MAGI2: variants seen among roughly 807,000 people sequenced by gnomAD.
MAGI2 encodes the protein membrane-associated guanylate kinase, WW and PDZ domain-containing protein 2.
In MAGI2, 35 loss-of-function variants were observed where a neutral mutation model predicts 133.3. The ratio of observed to expected loss-of-function variants is 0.26; its 90% CI spans 0.20 to 0.35. The LOEUF is 0.35. MAGI2 is among the 10% of genes least tolerant of loss of function. The pLI is 1.00. For missense variants in MAGI2, 1,636 were observed against 1,863.4 expected (o/e 0.88, Z 2.25); for synonymous variants, 729 against 710.6 (o/e 1.03, Z -0.41).
At chr7:78,863,470 C>A (rs1438480795) in intron 2 of MAGI2, among the ~76,000 whole-genome samples, 2 of 152,162 alleles carry the variant, frequency 1.3e-5, no homozygotes, top group South Asian at 2.1e-4. Context: ...TTTTCAACAA[C>A]CAGCTCTCAA....
chr7:78,677,624 G>C (rs1388031460), intron 2 of MAGI2, among the ~76,000 whole-genome samples: 1 of 151,920 alleles, frequency 6.6e-6, no homozygotes, highest in African/African-American at 2.4e-5. Flanking sequence ...ACTGGCATTT[G>C]CAACCTCACA....
At chr7:78,195,139 C>T (rs1205263456) in intron 11 of MAGI2, 76 bp from the exon 12 acceptor site, 3 of 1,245,036 alleles carry the variant, frequency 2.4e-6, no homozygotes, top group Non-Finnish European at 3.3e-6. Flanking sequence ...TTTAGGTTAA[C>T]CTTTTTTGCC....
chr7:78,598,653 G>A (rs563107044), intron 3 of MAGI2, among the ~76,000 whole-genome samples: 5 of 152,274 alleles, frequency 3.3e-5, no homozygotes, highest in African/African-American at 4.8e-5. Flanking sequence ...AAGGAAACCC[G>A]TTGGGAGGGG....
intron 6 of MAGI2, among the ~76,000 whole-genome samples, chr7:78,398,903 G>A (rs543754331): frequency 3.0e-4 from 45 of 152,104 alleles, no homozygotes; most frequent in African/African-American, 9.9e-4. Context: ...TTCCTTGCCC[G>A]TTTAATTGTA....
chr7:78,206,242 T>C (rs894995363), intron 10 of MAGI2, among the ~76,000 whole-genome samples: 1 of 152,002 alleles, frequency 6.6e-6, no homozygotes, highest in Non-Finnish European at 1.5e-5. Flanking sequence ...TCTATCATGA[T>C]ATCGTCAATT....
intron 2 of MAGI2, among the ~76,000 whole-genome samples, chr7:78,792,785 A>G (rs1461128250): frequency 6.6e-6 from 1 of 152,260 alleles, no homozygotes; most frequent in Non-Finnish European, 1.5e-5. Context: ...CATCAACCCA[A>G]TACAACCACC....
At chr7:79,111,340 AT>A (rs1818908612) in intron 1 of MAGI2, among the ~76,000 whole-genome samples, 1 of 152,178 alleles carries the variant, frequency 6.6e-6, no homozygotes, top group East Asian at 1.9e-4. Context: ...AAGCCTGATG[AT>A]TTTGAACCTT....
At chr7:78,056,889 AC>A (rs1413549495) in intron 21 of MAGI2, among the ~76,000 whole-genome samples, 11 of 151,988 alleles carry the variant, frequency 7.2e-5, no homozygotes, top group Non-Finnish European at 1.6e-4. Context: ...CATCCCTCCC[AC>A]ATTTTCTTTA....
chr7:79,256,647 C>T (rs554093185), intron 1 of MAGI2, among the ~76,000 whole-genome samples: 2 of 151,996 alleles, frequency 1.3e-5, no homozygotes, highest in Middle Eastern at 3.4e-3. Context: ...TGCACCACCA[C>T]GTCCAGTAAT....
At chr7:78,544,087 C>T (rs754229963) in intron 3 of MAGI2, among the ~76,000 whole-genome samples, 5 of 152,214 alleles carry the variant, frequency 3.3e-5, no homozygotes, top group Non-Finnish European at 7.3e-5. Context: ...TGAATTACAG[C>T]TCTTCCGACA....
intron 3 of MAGI2, among the ~76,000 whole-genome samples, chr7:78,598,714 G>A (rs891399335): frequency 3.9e-5 from 6 of 152,150 alleles, no homozygotes; most frequent in African/African-American, 1.4e-4. Flanking sequence ...GTAAGCTACT[G>A]GGAGGTGACA....
chr7:78,325,026 A>T (rs1788443593), intron 9 of MAGI2, among the ~76,000 whole-genome samples: 2 of 152,190 alleles, frequency 1.3e-5, no homozygotes, highest in East Asian at 3.9e-4. Flanking sequence ...GTCTCTCTAT[A>T]GCTGTCATCT....
chr7:79,411,161 G>A (rs1288709138), intron 1 of MAGI2: 1 of 152,134 alleles, frequency 6.6e-6, no homozygotes, highest in Non-Finnish European at 1.5e-5. Context: ...CTGTCATCAA[G>A]TGGCAGTAAC....
Position 78,961,871 on chromosome 7 carries a change from A to C in MAGI2, c.418+45219T>G, listed in dbSNP as rs112442550. On this transcript the variant is annotated intron_variant, in intron 2 of 21. Transcript: ENST00000354212. ...TACACAAACCTAGATGGTATAGCCT[A>C]CTATACCCCTAGGCTATATGGTATA... 2.4e-4 allele frequency among the ~76,000 whole-genome samples: 36 copies of C among 151,996 alleles called. No homozygotes were observed. In the South Asian group the frequency reaches 5.4e-3, roughly 23 times the overall value.
chr7:78,633,384 A>G (rs767655289), intron 2 of MAGI2, among the ~76,000 whole-genome samples: 86 of 152,268 alleles, frequency 5.6e-4, no homozygotes, highest in Non-Finnish European at 1.1e-3. Context: ...CTTCACATGT[A>G]TCCCCAGAAC....
rs1047148414 is a variant in MAGI2 at position 79,225,400 on chromosome 7, A to C, written c.302-218194T>G. 2.2e-4 allele frequency among the ~76,000 whole-genome samples: 33 copies of C among 152,212 alleles called. 2 individuals carry two copies. The highest frequency in any genetic ancestry group is 6.6e-5 in the Admixed American group (1 of 15,266). On this transcript the variant is annotated intron_variant, in intron 1 of 21. Transcript: ENST00000354212. ...TATAGAATGTACTTGATTTAAACTC[A>C]AGTCCATTTGACTATTGTATGAAGT...
intron 3 of MAGI2, among the ~76,000 whole-genome samples, chr7:78,579,208 G>A (rs936691985): frequency 6.6e-6 from 1 of 152,208 alleles, no homozygotes; most frequent in African/African-American, 2.4e-5. Context: ...CAAGTTTGAG[G>A]AGTGCAAGCT....
chr7:78,695,624 A>T (rs148827990), intron 2 of MAGI2, among the ~76,000 whole-genome samples: 14 of 152,334 alleles, frequency 9.2e-5, no homozygotes, highest in African/African-American at 3.4e-4. Context: ...GCAGAGTTTA[A>T]TGTCTAACTT....
At chr7:79,357,722 T>G (rs1842116110) in intron 1 of MAGI2, among the ~76,000 whole-genome samples, 1 of 152,152 alleles carries the variant, frequency 6.6e-6, no homozygotes, top group South Asian at 2.1e-4. Context: ...ACCCCATCAC[T>G]TCCCACAAGC....
Sources: gnomAD v4.1 joint callset for allele counts (sites outside exome capture counted in the v4.1 genomes callset) on GRCh38, gnomAD v4.1.1 for gene constraint, MANE v1.5 for transcripts, NCBI Gene and HGNC (gene_info 2026-07-23, HGNC 2026-07-21) for gene names.